The following KDM5C variants were observed in gnomAD, a reference collection of about 807,000 sequenced individuals.
KDM5C encodes the protein lysine demethylase 5C.
In KDM5C, 16 loss-of-function variants were observed where a neutral mutation model predicts 110.6. That is an observed-to-expected ratio of 0.14 (90% CI 0.10 to 0.22). KDM5C has a LOEUF of 0.22. Ranked by LOEUF, KDM5C falls within the 10% of genes least tolerant of loss-of-function variation. The pLI, the probability that KDM5C is intolerant of heterozygous loss-of-function variation, is 1.00. For missense variants in KDM5C, 681 were observed against 1,300.9 expected, an observed-to-expected ratio of 0.52 and a Z score of 7.33; for synonymous variants, 511 against 520.4, an observed-to-expected ratio of 0.98 and a Z score of 0.24.
intron 7 of KDM5C, 107 bp downstream of exon 7, chrX:53,215,688 G>A (rs1421202356): frequency 1.2e-6 from 1 of 846,654 alleles, no homozygotes; most frequent in East Asian, 3.2e-5. Context: ...CAGGGCCCAT[G>A]GAGGCCCGCT....
chrX:53,210,281 C>A, intron 12 of KDM5C, 133 bp downstream of exon 12: 1 of 839,469 alleles, frequency 1.2e-6, no homozygotes, highest in South Asian at 2.2e-5. Context: ...TAGTCAAACC[C>A]GTAGCCCAAT....
At chrX:53,211,396 G>A (rs1249683832) in intron 10 of KDM5C, 101 bp downstream of exon 10, 2 of 859,096 alleles carry the variant, frequency 2.3e-6, no homozygotes, top group Admixed American at 2.6e-5. Flanking sequence ...CATAAGACAG[G>A]CATAATTATC....
rs1355916605 is a variant in KDM5C, at chrX:53,195,234, C to T, written c.3297G>A (p.Leu1099=). Residue 1099 remains leucine (L), a synonymous_variant, in exon 21 of 26, where the codon CTG becomes CTA. Coordinates refer to ENST00000375401, the MANE Select transcript of KDM5C (RefSeq NM_004187.5). The stretch of plus-strand genomic sequence containing the variant: ...AGGTCAAGGTCCCAGGCCTCACCTC[C>T]AGCAGCGTGTAGCAAGAATTTTTCT... ...FLKKNSCYTL[L]EVLCPCADAG... 8.3e-6 allele frequency: 10 copies of T among 1,200,098 alleles called. No homozygotes were observed. Among genetic ancestry groups the T allele is most frequent in the Admixed American group, 2.2e-5 (1 of 44,620 alleles).
At chrX:53,186,505 T>A (rs1556828215), downstream of KDM5C, among the ~76,000 whole-genome samples, 1 of 111,662 alleles carries the variant, frequency 9.0e-6, no homozygotes, top group Middle Eastern at 4.6e-3. Context: ...TAGAATAGAG[T>A]TATACAAGCA....
At chrX:53,207,874 G>A (rs139759160) in intron 12 of KDM5C, among the ~76,000 whole-genome samples, 6,531 of 107,141 alleles carry the variant, frequency 0.061, 504 homozygotes, top group African/African-American at 0.21. Flanking sequence ...ACTTGAACTC[G>A]GGAGGAGGAG....
rs781963835 is a variant in KDM5C, at chrX:53,194,538, A to G, written c.3639T>C (p.Cys1213=). The G allele has an allele frequency of 1.7e-6, 2 of 1,211,475 alleles. No homozygotes were observed. Among genetic ancestry groups the G allele is most frequent in the Non-Finnish European group, 2.2e-6 (2 of 895,264 alleles). ...DLCQDWFHGR[C]VSVPRLLSSP... is the part of the protein sequence containing the mutation. The stretch of plus-strand genomic sequence containing the variant: ...AGCTGAGGAGGCGAGGCACTGACAC[A>G]CACCGCCCATGGAACCAGTCCTGAC... The change falls in exon 23 of 26, where the codon TGT becomes TGC. Residue 1213 remains cysteine, a synonymous_variant. Coordinates refer to ENST00000375401, the MANE Select transcript of KDM5C (RefSeq NM_004187.5).
intron 7 of KDM5C, 100 bp downstream of exon 7, chrX:53,215,695 C>A (rs1168902618): frequency 3.2e-6 from 3 of 943,142 alleles, no homozygotes; most frequent in Non-Finnish European, 4.6e-6. Context: ...CATGGAGGCC[C>A]GCTTTTGTGG....
intron 19 of KDM5C, among the ~76,000 whole-genome samples, 179 bp from the exon 20 acceptor site, chrX:53,196,233 T>G (rs1414261323): frequency 8.9e-6 from 1 of 112,543 alleles, no homozygotes; most frequent in Non-Finnish European, 1.9e-5. Flanking sequence ...TCCCCAAGAC[T>G]GCATGCACCC....
chrX:53,211,741 T>C (rs781851810), intron 9 of KDM5C, 46 bp downstream of exon 9: 1 of 1,210,164 alleles, frequency 8.3e-7, no homozygotes, highest in East Asian at 3.0e-5. Context: ...CTGGCATCAA[T>C]ACCTATGATC....
chrX:53,193,871 T>C lies in KDM5C; in HGVS notation c.4039-20A>G, dbSNP rs1556833356. 8.5e-7 allele frequency: 1 copy of C among 1,183,319 alleles called. No individual in the cohort carries two copies. The highest frequency in any genetic ancestry group is 1.1e-6 in the Non-Finnish European group (1 of 871,724). ...CTGGACCTGCGGAGGAGAGCAAGAA[T>C]AGGTAGGGGCAACTGAAGTGAAGAA... is the stretch of plus-strand genomic sequence containing the variant. On this transcript the variant is annotated intron_variant, in intron 23 of 25. Coordinates refer to ENST00000375401, the MANE Select transcript of KDM5C (RefSeq NM_004187.5).
chrX:53,199,234 C>G, intron 14 of KDM5C, 76 bp from the exon 15 acceptor site: 1 of 1,036,471 alleles, frequency 9.6e-7, no homozygotes, highest in Admixed American at 2.2e-5. Flanking sequence ...CACCACCGAC[C>G]CCTACTTTAG....
chrX:53,192,865 CCCT>C lies in KDM5C; in HGVS notation c.*99_*101del. The C allele has an allele frequency of 1.3e-6, 1 of 798,188 alleles. No homozygotes were observed. Among genetic ancestry groups the C allele is most frequent in the Non-Finnish European group, 1.7e-6 (1 of 591,633 alleles). 65.8% of individuals were successfully genotyped at this position (798,188 alleles called of 1,213,427 possible). On this transcript the variant is annotated 3_prime_UTR_variant, in exon 26 of 26. Transcript: ENST00000375401. The stretch of plus-strand genomic sequence containing the variant: ...GGGCGGGTAGCAGGGATGGCCACCC[CCCT>C]ACCCGCCCACCCCCCAAGAAGCAGG...
chrX:53,195,424 CGA>C lies in KDM5C; in HGVS notation c.3121-16_3121-15del, dbSNP rs1556836033. 8.4e-7 allele frequency: 1 copy of C among 1,189,802 alleles called. No individual in the cohort carries two copies. The highest frequency in any genetic ancestry group is 1.1e-6 in the Non-Finnish European group (1 of 881,809). ...GTGGTCACCATTCTAAGGCCAAGGG[CGA>C]GAGACAGCTCAGTTCAACTTGCCAA... On this transcript the variant is annotated splice_polypyrimidine_tract_variant and intron_variant, in intron 20 of 25. Transcript: ENST00000375401.
Position 53,192,866 on chromosome X carries a change from C to CCCCCCCCCCCCCCCCCCCCCA in KDM5C, c.*100_*101insTGGGGGGGGGGGGGGGGGGGG. 1.2e-6 allele frequency: 1 copy of CCCCCCCCCCCCCCCCCCCCCA among 806,063 alleles called. No homozygotes were observed. The highest frequency in any genetic ancestry group is 1.7e-6 in the Non-Finnish European group (1 of 597,621). 66.4% of individuals were successfully genotyped at this position (806,063 alleles called of 1,213,427 possible). On this transcript the variant is annotated 3_prime_UTR_variant, in exon 26 of 26. Transcript: ENST00000375401. ...GGCGGGTAGCAGGGATGGCCACCCC[C>CCCCCCCCCCCCCCCCCCCCCA]CTACCCGCCCACCCCCCAAGAAGCA...
Position 53,192,861 on chromosome X carries a change from A to ACCCGCC in KDM5C, c.*105_*106insGGCGGG. On this transcript the variant is annotated 3_prime_UTR_variant, in exon 26 of 26. Coordinates refer to ENST00000375401, the MANE Select transcript of KDM5C (RefSeq NM_004187.5). ...GGGTGGGCGGGTAGCAGGGATGGCCACCCCCCTACCCGCCCACCCCCCAAG... is the reference window on the plus strand; with the variant it reads ...GGGTGGGCGGGTAGCAGGGATGGCCACCCGCCCCCCCCTACCCGCCCACCCCCCAAG... 2.0e-6 allele frequency: 1 copy of ACCCGCC among 502,015 alleles called. No individual in the cohort carries two copies. The highest frequency in any genetic ancestry group is 2.9e-6 in the Non-Finnish European group (1 of 347,657). 41.4% of individuals were successfully genotyped at this position (502,015 alleles called of 1,213,427 possible).
intron 25 of KDM5C, among the ~76,000 whole-genome samples, chrX:53,177,576 TAAAAC>T (rs1476588761): frequency 3.6e-5 from 4 of 111,809 alleles, no homozygotes; most frequent in African/African-American, 1.3e-4. Flanking sequence ...AAAAGGCAAA[TAAAAC>T]AGGAAACAAT....
At chrX:53,176,529 T>C (rs1556824247) in exon 26 of KDM5C, among the ~76,000 whole-genome samples, 1 of 111,867 alleles carries the variant, frequency 8.9e-6, no homozygotes, top group Non-Finnish European at 1.9e-5. Flanking sequence ...GAGGAGTTTG[T>C]CAACAGGCAG....
In KDM5C at chrX:53,192,337, G is replaced by A. The variant is rs1556831282; in HGVS notation, c.*630C>T. 1 of 178,525 alleles carries A rather than the reference G, an allele frequency of 5.6e-6. No individual in the cohort carries two copies. The highest frequency in any genetic ancestry group is 1.0e-5 in the Non-Finnish European group (1 of 95,343). 14.7% of individuals were successfully genotyped at this position (178,525 alleles called of 1,213,427 possible). The stretch of plus-strand genomic sequence containing the variant: ...ACATGAACCCAGGAGGAGGAAAGGA[G>A]ACAGGGGAGGACAGGGAGGGAGGAC... On this transcript the variant is annotated 3_prime_UTR_variant, in exon 26 of 26. Transcript: ENST00000375401.
chrX:53,217,853 G>A lies in KDM5C; in HGVS notation c.465C>T (p.Ser155=), dbSNP rs138520224. The change falls in exon 4 of 26, where the codon TCC becomes TCT. Residue 155 remains serine (S), a synonymous_variant. Coordinates refer to ENST00000375401, the MANE Select transcript of KDM5C (RefSeq NM_004187.5). ...AGGGATAAACAATGCGTTCGTAGTG[G>A]GAGCGTAGCAAGGAGCCAATATTTT... ...PGKNIGSLLR[S]HYERIVYPYE... The A allele has an allele frequency of 7.4e-5, 89 of 1,209,919 alleles. No individual in the cohort carries two copies. In the African/African-American group the frequency reaches 1.4e-3, roughly 19 times the overall value.
Sources: gnomAD v4.1 joint callset for allele counts (sites outside exome capture counted in the v4.1 genomes callset) on GRCh38, gnomAD v4.1.1 for gene constraint, MANE v1.5 for transcripts, NCBI Gene and HGNC (gene_info 2026-07-23, HGNC 2026-07-21) for gene names.